The following DOK6 variants were observed in gnomAD, a reference collection of about 807,000 sequenced individuals.
DOK6 encodes the protein downstream of tyrosine kinase 6.
Under a neutral mutation model 44.0 loss-of-function variants are expected in DOK6, and 22 were observed. That is an observed-to-expected ratio of 0.50 (90% CI 0.36 to 0.71). The LOEUF (loss-of-function observed/expected upper bound fraction) is 0.71. Ranked by LOEUF, DOK6 falls within the 30% of genes least tolerant of loss-of-function variation. The pLI is 0.00. For missense variants in DOK6, 340 were observed against 416.4 expected (o/e 0.82, Z 1.60); for synonymous variants, 166 against 145.5 (o/e 1.14, Z -1.01).
intron 5 of DOK6, among the ~76,000 whole-genome samples, chr18:69,734,393 CAAAAAAAAA>C (rs60831756): frequency 4.7e-4 from 23 of 48,500 alleles, no homozygotes; most frequent in African/African-American, 9.5e-4. Context: ...TTCATAGCAG[CAAAAAAAAA>C]AAAAAAAAAA....
chr18:69,595,269 C>G (rs993629503), intron 2 of DOK6, among the ~76,000 whole-genome samples: 39 of 152,168 alleles, frequency 2.6e-4, no homozygotes, highest in Admixed American at 7.2e-4. Flanking sequence ...CTAAGCACAA[C>G]AGTTTTGGCA....
intron 1 of DOK6, among the ~76,000 whole-genome samples, chr18:69,422,183 TCTC>T (rs548102580): frequency 1.3e-5 from 2 of 152,110 alleles, no homozygotes; most frequent in South Asian, 4.2e-4. Flanking sequence ...TTCCCTGTCT[TCTC>T]CTCCTCCTCA....
At chr18:69,691,885 ATCTGAGGTGTTGGGATGGTTTT>A (rs1007581845) in intron 4 of DOK6, among the ~76,000 whole-genome samples, 10 of 152,260 alleles carry the variant, frequency 6.6e-5, no homozygotes, top group African/African-American at 2.4e-4. Flanking sequence ...CAGGGGAGAT[ATCTGAGGTGTTGGGATGGTTTT>A]TCTGAGGTGT....
intron 1 of DOK6, among the ~76,000 whole-genome samples, chr18:69,409,516 C>T (rs1978297784): frequency 6.6e-6 from 1 of 152,212 alleles, no homozygotes; most frequent in Admixed American, 6.5e-5. Flanking sequence ...ACTACCCATA[C>T]ACATGGAATT....
chr18:69,560,544 A>C (rs1332074745), intron 1 of DOK6, among the ~76,000 whole-genome samples: 1 of 152,186 alleles, frequency 6.6e-6, no homozygotes, highest in Non-Finnish European at 1.5e-5. Flanking sequence ...GTTTATTGAT[A>C]CTATATATAA....
intron 3 of DOK6, among the ~76,000 whole-genome samples, chr18:69,636,084 C>T (rs1023771192): frequency 4.6e-5 from 7 of 152,128 alleles, no homozygotes; most frequent in African/African-American, 1.7e-4. Context: ...GTAATGCAGA[C>T]ACCTAGAGAT....
intron 1 of DOK6, among the ~76,000 whole-genome samples, chr18:69,449,918 A>G (rs1979411607): frequency 6.7e-6 from 1 of 149,112 alleles, no homozygotes; most frequent in Non-Finnish European, 1.5e-5. Flanking sequence ...GTACATCACC[A>G]TCATCAAAGA....
At chr18:69,557,352 T>G (rs902644283) in intron 1 of DOK6, among the ~76,000 whole-genome samples, 3 of 152,112 alleles carry the variant, frequency 2.0e-5, no homozygotes, top group Non-Finnish European at 2.9e-5. Context: ...AGGCAGAGCT[T>G]GTGAATGAGT....
rs1436384913 is a variant in DOK6, at chr18:69,562,993, T to C, written c.67-1494T>C. Among the ~76,000 whole-genome samples, 3 of 152,130 alleles carry C rather than the reference T, an allele frequency of 2.0e-5. No homozygotes were observed. The East Asian group carries it at 5.8e-4, about 29-fold the overall frequency. ...ACCCCATCAAAAAGTGGGCGAAGGA[T>C]ATGAACAGACACTTCTCAAAAGAAG... On this transcript the variant is annotated intron_variant, in intron 1 of 7. Coordinates refer to ENST00000382713, the MANE Select transcript of DOK6 (RefSeq NM_152721.6).
intron 2 of DOK6, among the ~76,000 whole-genome samples, chr18:69,575,513 C>A (rs965656338): frequency 6.6e-6 from 1 of 151,870 alleles, no homozygotes; most frequent in Admixed American, 6.6e-5. Flanking sequence ...GAGTAACATC[C>A]GTGGTATTTC....
intron 7 of DOK6, among the ~76,000 whole-genome samples, chr18:69,769,098 A>AT (rs1979812328): frequency 6.6e-6 from 1 of 151,784 alleles, no homozygotes; most frequent in African/African-American, 2.4e-5. Flanking sequence ...CTTTTGTGTT[A>AT]TTTTTTGTTT....
At chr18:69,648,496 A>G (rs1035519235) in intron 3 of DOK6, among the ~76,000 whole-genome samples, 2 of 152,192 alleles carry the variant, frequency 1.3e-5, no homozygotes, top group African/African-American at 4.8e-5. Flanking sequence ...GGATGTATTC[A>G]CCATCCTATT....
chr18:69,712,318 AAAAAAAAAT>A (rs1238682725), intron 5 of DOK6, among the ~76,000 whole-genome samples: 985 of 78,896 alleles, frequency 0.012, 151 homozygotes, highest in East Asian at 0.015. Context: ...AAAAAAAAAA[AAAAAAAAAT>A]TTAACCTTTT....
intron 2 of DOK6, among the ~76,000 whole-genome samples, chr18:69,584,033 G>A (rs1305596296): frequency 1.1e-4 from 16 of 140,920 alleles, no homozygotes; most frequent in African/African-American, 3.9e-4. Flanking sequence ...GCGTGAACCC[G>A]GGAGGCGGAG....
rs140353345 is a variant in DOK6 at position 69,482,302 on chromosome 18, C to A, written c.66+80992C>A. On this transcript the variant is annotated intron_variant, in intron 1 of 7. Transcript: ENST00000382713. ...TTTAGACATGAAGTCCTTGCCCATG[C>A]CTATGTCCTGAATGGTATTGCACGT... Among the ~76,000 whole-genome samples the A allele has an allele frequency of 3.3e-5, 5 of 152,256 alleles. No homozygotes were observed. In the East Asian group the frequency reaches 9.6e-4, roughly 29 times the overall value.
chr18:69,825,590 C>T (rs947655258), intron 7 of DOK6, among the ~76,000 whole-genome samples: 2 of 151,728 alleles, frequency 1.3e-5, no homozygotes, highest in African/African-American at 2.4e-5. Flanking sequence ...CCCACCACCA[C>T]GCCCGGCTAA....
intron 3 of DOK6, among the ~76,000 whole-genome samples, chr18:69,653,010 T>C (rs1436006062): frequency 6.6e-6 from 1 of 152,212 alleles, no homozygotes; most frequent in Non-Finnish European, 1.5e-5. Flanking sequence ...CTTCTGGCTA[T>C]GGGGGACTTA....
intron 5 of DOK6, among the ~76,000 whole-genome samples, chr18:69,723,912 G>A (rs751349662): frequency 6.6e-6 from 1 of 152,184 alleles, no homozygotes; most frequent in African/African-American, 2.4e-5. Flanking sequence ...CCTTCAGAAG[G>A]CAGTGTTTGA....
At position 69,828,882 on chromosome 18, in the gene DOK6, G is replaced by GTA. The variant is rs1475499795; in HGVS notation, c.857-12361_857-12360insAT. On this transcript the variant is annotated intron_variant, in intron 7 of 7. Coordinates refer to ENST00000382713, the MANE Select transcript of DOK6 (RefSeq NM_152721.6). ...CCATTATTAATAGCAATACATTTAT[G>GTA]TGTATATATATATATATAGTATGTA... is the stretch of plus-strand genomic sequence containing the variant. 2.0e-4 allele frequency among the ~76,000 whole-genome samples: 5 copies of GTA among 25,112 alleles called. 1 individual carries two copies. Among genetic ancestry groups the GTA allele is most frequent in the East Asian group, 2.7e-3 (1 of 370 alleles). 16.5% of individuals were successfully genotyped at this position (25,112 alleles called of 152,430 possible). A position where few individuals can be genotyped will look rare whatever the true frequency, so the allele number is the denominator to read the frequency against.
Sources: allele counts gnomAD v4.1 joint callset (sites outside exome capture counted in the v4.1 genomes callset), GRCh38; gene constraint gnomAD v4.1.1; transcripts MANE v1.5; gene names NCBI Gene and HGNC (gene_info 2026-07-23, HGNC 2026-07-21).